NELL1: variants seen among roughly 807,000 people sequenced by gnomAD.
NELL1 encodes protein kinase C-binding protein NELL1.
In NELL1, 76 loss-of-function variants were observed where a neutral mutation model predicts 107.4. The ratio of observed to expected loss-of-function variants is 0.71; its 90% CI spans 0.59 to 0.86. NELL1 has a LOEUF of 0.86. Ranked by LOEUF, NELL1 falls within the 40% of genes least tolerant of loss-of-function variation. NELL1 has a pLI of 0.00. For synonymous variants in NELL1, 353 were observed against 341.2 expected, an observed-to-expected ratio of 1.03 and a Z score of -0.38; for missense variants, 1,024 against 1,005.5, an observed-to-expected ratio of 1.02 and a Z score of -0.25.
intron 2 of NELL1, among the ~76,000 whole-genome samples, chr11:20,719,261 T>C (rs1564878269): frequency 6.6e-6 from 1 of 152,232 alleles, no homozygotes; most frequent in Non-Finnish European, 1.5e-5. Context: ...ATCATGGCAA[T>C]AGGATCATAG....
At chr11:20,879,601 T>G (rs1849370140) in intron 4 of NELL1, among the ~76,000 whole-genome samples, 1 of 151,876 alleles carries the variant, frequency 6.6e-6, no homozygotes, top group Non-Finnish European at 1.5e-5. Context: ...GGGTGTCAGG[T>G]GGGGCGGGGG....
chr11:20,987,355 C>A (rs1322414095), intron 12 of NELL1, among the ~76,000 whole-genome samples: 1 of 152,124 alleles, frequency 6.6e-6, no homozygotes, highest in Non-Finnish European at 1.5e-5. Flanking sequence ...TGTTGGGGAA[C>A]TTTATTAGTC....
At chr11:20,984,472 A>T (rs796083119) in intron 12 of NELL1, among the ~76,000 whole-genome samples, 41 of 152,338 alleles carry the variant, frequency 2.7e-4, no homozygotes, top group African/African-American at 9.4e-4. Context: ...CAAATGAGAT[A>T]ATGTAGTTCA....
chr11:21,007,388 G>GACACAC (rs66809505), intron 12 of NELL1, among the ~76,000 whole-genome samples: 2 of 149,228 alleles, frequency 1.3e-5, no homozygotes, highest in African/African-American at 4.9e-5. Context: ...CACACACACA[G>GACACAC]ACACACACAC....
intron 14 of NELL1, among the ~76,000 whole-genome samples, chr11:21,332,504 A>G (rs185611226): frequency 7.9e-5 from 12 of 151,602 alleles, no homozygotes; most frequent in Admixed American, 5.9e-4. Flanking sequence ...ATCCTTTGCT[A>G]CTCCTTGTTT....
chr11:20,732,674 G>A (rs1002719735), intron 2 of NELL1, among the ~76,000 whole-genome samples: 1 of 152,256 alleles, frequency 6.6e-6, no homozygotes, highest in Middle Eastern at 3.4e-3. Context: ...GGGATATGCT[G>A]TCAAGGGACA....
intron 13 of NELL1, among the ~76,000 whole-genome samples, chr11:21,181,397 GA>G (rs143485635): frequency 0.094 from 14,215 of 151,426 alleles, 800 homozygotes; most frequent in Non-Finnish European, 0.11. Flanking sequence ...ATTGAAAGGA[GA>G]AAAAAAAGCT....
At chr11:21,048,566 G>A (rs1297754152) in intron 12 of NELL1, among the ~76,000 whole-genome samples, 2 of 152,016 alleles carry the variant, frequency 1.3e-5, no homozygotes, top group Non-Finnish European at 2.9e-5. Context: ...TTAACCTGCT[G>A]GGTTCCTTTT....
At chr11:21,554,436 G>T (rs1352306065) in intron 16 of NELL1, among the ~76,000 whole-genome samples, 1 of 151,852 alleles carries the variant, frequency 6.6e-6, no homozygotes, top group African/African-American at 2.4e-5. Flanking sequence ...GAATTCATGT[G>T]AGAATCAGAA....
chr11:20,848,963 G>C (rs1490490086), intron 4 of NELL1, among the ~76,000 whole-genome samples: 1 of 152,212 alleles, frequency 6.6e-6, no homozygotes, highest in Non-Finnish European at 1.5e-5. Context: ...TGTCTGGACA[G>C]AGTTTCCATA....
At chr11:20,840,524 T>A (rs558360656) in intron 3 of NELL1, among the ~76,000 whole-genome samples, 1 of 152,312 alleles carries the variant, frequency 6.6e-6, no homozygotes, top group East Asian at 1.9e-4. Context: ...TAATGGCTGT[T>A]GGCTGGGATC....
At chr11:20,776,311 C>T (rs1421818064) in intron 2 of NELL1, among the ~76,000 whole-genome samples, 6 of 151,996 alleles carry the variant, frequency 3.9e-5, no homozygotes, top group East Asian at 3.9e-4. Context: ...TGGTGATGGG[C>T]GCCTGTAGTC....
At chr11:20,963,988 G>A (rs191690016) in intron 12 of NELL1, among the ~76,000 whole-genome samples, 16 of 152,194 alleles carry the variant, frequency 1.1e-4, no homozygotes, top group Middle Eastern at 3.4e-3. Context: ...AGAAACTGCC[G>A]TAGAGAAGAT....
chr11:20,976,479 G>T (rs982976435), intron 12 of NELL1, among the ~76,000 whole-genome samples: 1 of 152,016 alleles, frequency 6.6e-6, no homozygotes, highest in Non-Finnish European at 1.5e-5. Context: ...TAACTTAAAT[G>T]TTTCAGCTGT....
chr11:20,984,425 CA>C (rs969338966), intron 12 of NELL1, among the ~76,000 whole-genome samples: 1 of 151,976 alleles, frequency 6.6e-6, no homozygotes, highest in Non-Finnish European at 1.5e-5. Flanking sequence ...CTCTGATCTG[CA>C]AAAAGGGTTA....
chr11:20,940,848 C>T (rs1444804910), intron 10 of NELL1, among the ~76,000 whole-genome samples: 1 of 152,030 alleles, frequency 6.6e-6, no homozygotes, highest in Non-Finnish European at 1.5e-5. Context: ...TTAAAAATAC[C>T]CACCTCCAGC....
intron 1 of NELL1, among the ~76,000 whole-genome samples, chr11:20,676,147 A>C (rs1854050292): frequency 6.6e-6 from 1 of 151,880 alleles, no homozygotes. Context: ...CCTCGTTTGC[A>C]TGCACCCTTC....
chr11:21,193,659 T>G (rs948742438), intron 13 of NELL1, among the ~76,000 whole-genome samples: 1 of 151,870 alleles, frequency 6.6e-6, no homozygotes, highest in African/African-American at 2.4e-5. Context: ...TGGGAAGTTT[T>G]GATTTGTGAT....
chr11:20,950,573 G>C (rs969895796), intron 11 of NELL1, among the ~76,000 whole-genome samples: 5 of 152,142 alleles, frequency 3.3e-5, no homozygotes, highest in African/African-American at 1.2e-4. Context: ...AAAGCCCAGT[G>C]GACTTCTAAA....
Sources: allele counts gnomAD v4.1 joint callset (sites outside exome capture counted in the v4.1 genomes callset), GRCh38; gene constraint gnomAD v4.1.1; transcripts MANE v1.5; gene names NCBI Gene and HGNC (gene_info 2026-07-23, HGNC 2026-07-21).